AP3M1: variants seen among roughly 807,000 people sequenced by gnomAD.
AP3M1 encodes the protein adaptor related protein complex 3 subunit mu 1.
Under a neutral mutation model 42.6 loss-of-function variants are expected in AP3M1, and 29 were observed. That is an observed-to-expected ratio of 0.68 (90% CI 0.51 to 0.93). The LOEUF is 0.93. Ranked by LOEUF, AP3M1 falls within the 40% of genes least tolerant of loss-of-function variation. The pLI is 0.00. For synonymous variants in AP3M1, 178 were observed against 175.3 expected, an observed-to-expected ratio of 1.02 and a Z score of -0.12; for missense variants, 416 against 510.2, an observed-to-expected ratio of 0.82 and a Z score of 1.78.
Position 74,123,806 on chromosome 10 carries a change from C to G in AP3M1, c.*4G>C, listed in dbSNP as rs760582250. ...AACTGGTCCTGAGGAATTTTGGCCTCTTCTCATGTCCTCACTTGGAACTTT... is the reference window on the plus strand; with the variant it reads ...AACTGGTCCTGAGGAATTTTGGCCTGTTCTCATGTCCTCACTTGGAACTTT... On this transcript the variant is annotated 3_prime_UTR_variant, in exon 9 of 9. Coordinates refer to ENST00000355264, the MANE Select transcript of AP3M1 (RefSeq NM_012095.6). 1.2e-6 allele frequency: 2 copies of G among 1,613,788 alleles called. No individual in the cohort carries two copies. Among genetic ancestry groups the G allele is most frequent in the Non-Finnish European group, 1.7e-6 (2 of 1,179,692 alleles).
intron 1 of AP3M1, among the ~76,000 whole-genome samples, chr10:74,142,647 C>G (rs1421363817): frequency 2.0e-5 from 3 of 152,160 alleles, no homozygotes; most frequent in African/African-American, 7.2e-5. Context: ...GCAATAAACT[C>G]TGACACCTCA....
rs918192639 is a variant in AP3M1 at position 74,121,103 on chromosome 10, G to A, written c.*2707C>T. 2.0e-5 allele frequency: 3 copies of A among 152,150 alleles called. No individual in the cohort carries two copies. The highest frequency in any genetic ancestry group is 1.3e-4 in the Admixed American group (2 of 15,272). 9.4% of individuals were successfully genotyped at this position (152,150 alleles called of 1,614,324 possible). ...CACTGCTTTATCTTGGAAAGTTGCCGACTATAAAGACAGATTCCAGCCTGC... is the reference window on the plus strand; with the variant it reads ...CACTGCTTTATCTTGGAAAGTTGCCAACTATAAAGACAGATTCCAGCCTGC... On this transcript the variant is annotated 3_prime_UTR_variant, in exon 9 of 9. Transcript: ENST00000355264.
chr10:74,137,710 A>C (rs1415715230), intron 2 of AP3M1, among the ~76,000 whole-genome samples: 1 of 152,238 alleles, frequency 6.6e-6, no homozygotes, highest in Non-Finnish European at 1.5e-5. Context: ...TATATACTTT[A>C]AATCACCTCT....
chr10:74,124,666 G>A (rs1840564088), intron 7 of AP3M1, 142 bp from the exon 8 acceptor site: 1 of 641,336 alleles, frequency 1.6e-6, no homozygotes, highest in Admixed American at 3.3e-5. Flanking sequence ...TCTACAGTGA[G>A]TTTACCTCTG....
chr10:74,129,023 G>A, intron 6 of AP3M1, 85 bp downstream of exon 6: 2 of 1,531,898 alleles, frequency 1.3e-6, no homozygotes, highest in Non-Finnish European at 1.8e-6. Flanking sequence ...ATGACCTCAA[G>A]TACTCAACTT....
chr10:74,124,642 C>G, intron 7 of AP3M1, 118 bp from the exon 8 acceptor site: 2 of 828,022 alleles, frequency 2.4e-6, no homozygotes, highest in Non-Finnish European at 1.8e-6. Context: ...CTCTTGAAAA[C>G]AAGAGATCTG....
At position 74,124,420 on chromosome 10, in the gene AP3M1, G is replaced by A; in HGVS notation, c.1116C>T (p.Ser372=). ...GCTGGATCTTAAACTGTATGTTGAG[G>A]CTCGGATTCTCTTCTGGTTTGGGGG... ...SGAPKPEENP[S]LNIQFKIQQL... is the part of the protein sequence containing the mutation. The change falls in exon 8 of 9, where the codon AGC becomes AGT. Residue 372 remains serine (S), a synonymous_variant. Coordinates refer to ENST00000355264, the MANE Select transcript of AP3M1 (RefSeq NM_012095.6). The A allele has an allele frequency of 6.2e-7, 1 of 1,613,494 alleles. No individual in the cohort carries two copies. Among genetic ancestry groups the A allele is most frequent in the Admixed American group, 1.7e-5 (1 of 59,928 alleles).
Position 74,120,807 on chromosome 10 carries a change from C to A in AP3M1, c.*3003G>T, listed in dbSNP as rs1274699887. The stretch of plus-strand genomic sequence containing the variant: ...TGCTGGGATTACAGGTGTGATCCAC[C>A]ACGCCCGGCCACACAGGTCCATTTT... On this transcript the variant is annotated 3_prime_UTR_variant, in exon 9 of 9. Transcript: ENST00000355264. The A allele has an allele frequency of 6.6e-6, 1 of 152,248 alleles. No individual in the cohort carries two copies. The highest frequency in any genetic ancestry group is 6.5e-5 in the Admixed American group (1 of 15,274). The allele number at this position is 152,248 out of a possible 1,614,324, so 9.4% of individuals were successfully genotyped here. A position where few individuals can be genotyped will look rare whatever the true frequency, so the allele number is the denominator to read the frequency against.
intron 3 of AP3M1, 31 bp downstream of exon 3, chr10:74,136,601 C>A: frequency 1.4e-6 from 2 of 1,427,890 alleles, no homozygotes; most frequent in South Asian, 1.7e-5. Context: ...TTTAATTGCT[C>A]AGTTACTAGC....
Position 74,144,326 on chromosome 10 carries a change from G to A in AP3M1, c.-3-5944C>T, listed in dbSNP as rs570310490. Among the ~76,000 whole-genome samples the A allele has an allele frequency of 7.3e-5, 11 of 149,972 alleles. No homozygotes were observed. The South Asian group carries it at 1.3e-3, about 17-fold the overall frequency. Reference sequence around the variant, plus strand: ...GTTGCCCAGGCTGGAGTGCAGCTGCGTCATCTTGGCTCACTCCAACGCCCA... The same window carrying A: ...GTTGCCCAGGCTGGAGTGCAGCTGCATCATCTTGGCTCACTCCAACGCCCA... On this transcript the variant is annotated intron_variant, in intron 1 of 8. Coordinates refer to ENST00000355264, the MANE Select transcript of AP3M1 (RefSeq NM_012095.6).
chr10:74,136,876 A>C, intron 2 of AP3M1, 73 bp from the exon 3 acceptor site: 3 of 1,059,284 alleles, frequency 2.8e-6, no homozygotes, highest in Non-Finnish European at 3.9e-6. Context: ...TTTTGTTCTG[A>C]AGAATAAACT....
rs772485726 is a variant in AP3M1 at position 74,126,369 on chromosome 10, C to T, written c.804-14G>A. The T allele has an allele frequency of 1.2e-6, 2 of 1,607,050 alleles. No homozygotes were observed. Among genetic ancestry groups the T allele is most frequent in the South Asian group, 2.2e-5 (2 of 90,866 alleles). On this transcript the variant is annotated splice_polypyrimidine_tract_variant and intron_variant, in intron 6 of 8. Coordinates refer to ENST00000355264, the MANE Select transcript of AP3M1 (RefSeq NM_012095.6). ...ATTGCCACTAGACTAAAAAGAGAAACAGAGAAAGATACAAAAGCACAAACA... is the reference window on the plus strand; with the variant it reads ...ATTGCCACTAGACTAAAAAGAGAAATAGAGAAAGATACAAAAGCACAAACA...
At chr10:74,136,958 G>A (rs1428557980) in intron 2 of AP3M1, among the ~76,000 whole-genome samples, 155 bp from the exon 3 acceptor site, 1 of 152,222 alleles carries the variant, frequency 6.6e-6, no homozygotes, top group Non-Finnish European at 1.5e-5. Flanking sequence ...ACCCTCTATA[G>A]TCCGGGCATG....
chr10:74,134,881 T>C (rs1291265988), intron 3 of AP3M1, among the ~76,000 whole-genome samples: 2 of 152,220 alleles, frequency 1.3e-5, no homozygotes, highest in African/African-American at 4.8e-5. Context: ...TAACAAAATA[T>C]ATCTACCATT....
intron 1 of AP3M1, among the ~76,000 whole-genome samples, chr10:74,140,152 C>A (rs548544226): frequency 6.6e-6 from 1 of 152,184 alleles, no homozygotes; most frequent in Non-Finnish European, 1.5e-5. Context: ...CTGGGAGGAG[C>A]CCTCGGTCCC....
At chr10:74,124,232 T>G in intron 8 of AP3M1, 148 bp downstream of exon 8, 1 of 969,468 alleles carries the variant, frequency 1.0e-6, no homozygotes, top group Non-Finnish European at 1.5e-6. Context: ...GGTCGGTGCC[T>G]GTGAGACTGC....
chr10:74,136,300 T>A (rs1361102309), intron 3 of AP3M1, among the ~76,000 whole-genome samples: 1 of 152,160 alleles, frequency 6.6e-6, no homozygotes, highest in Non-Finnish European at 1.5e-5. Flanking sequence ...ATAAATGGAC[T>A]AAATTCTCTT....
At chr10:74,139,020 A>C (rs1841040342) in intron 1 of AP3M1, 1 of 151,872 alleles carries the variant, frequency 6.6e-6, no homozygotes, top group Admixed American at 6.6e-5. Flanking sequence ...AAGACCGAAC[A>C]CTTTCTCCTT....
At chr10:74,144,893 A>T (rs1002913824) in intron 1 of AP3M1, among the ~76,000 whole-genome samples, 2 of 151,796 alleles carry the variant, frequency 1.3e-5, no homozygotes, top group African/African-American at 4.8e-5. Flanking sequence ...CGAACTCCTG[A>T]CCTCGTGATC....
Sources: allele counts gnomAD v4.1 joint callset (sites outside exome capture counted in the v4.1 genomes callset), GRCh38; gene constraint gnomAD v4.1.1; transcripts MANE v1.5; gene names NCBI Gene and HGNC (gene_info 2026-07-23, HGNC 2026-07-21).